LONP2: variants seen among roughly 807,000 people sequenced by gnomAD.
The protein encoded by LONP2 is lon protease homolog 2, peroxisomal.
LONP2 carries 60 observed loss-of-function variants against 85.6 expected under a neutral mutation model. That is an observed-to-expected ratio of 0.70 (90% CI 0.57 to 0.87). The LOEUF (loss-of-function observed/expected upper bound fraction) is 0.87, where lower values mean the gene tolerates loss of function less well. LONP2 is among the 40% of genes least tolerant of loss of function. The pLI is 0.00. For synonymous variants in LONP2, 395 were observed against 389.7 expected (o/e 1.01, Z -0.16); for missense variants, 860 against 1,063.5 (o/e 0.81, Z 2.66).
chr16:48,304,506 C>G (rs190882456), intron 11 of LONP2, among the ~76,000 whole-genome samples: 2 of 152,020 alleles, frequency 1.3e-5, no homozygotes, highest in African/African-American at 2.4e-5. Context: ...GAGTTTGAGA[C>G]CAGCCTAGCC....
chr16:48,304,173 C>A (rs1169718880), intron 11 of LONP2, among the ~76,000 whole-genome samples: 18 of 152,142 alleles, frequency 1.2e-4, no homozygotes, highest in Non-Finnish European at 1.5e-4. Context: ...ACAGTTAAGT[C>A]TTTAAATAAT....
At chr16:48,279,367 C>G (rs899342648) in intron 8 of LONP2, among the ~76,000 whole-genome samples, 3 of 152,074 alleles carry the variant, frequency 2.0e-5, no homozygotes, top group African/African-American at 7.2e-5. Context: ...GAGGAATCTT[C>G]TACTCAATAG....
At chr16:48,350,108 G>A (rs907934694) in intron 14 of LONP2, among the ~76,000 whole-genome samples, 1 of 152,220 alleles carries the variant, frequency 6.6e-6, no homozygotes, top group Admixed American at 6.5e-5. Context: ...TAAGGAGGCT[G>A]GGTGTGGTGG....
chr16:48,264,270 A>G (rs574446067), intron 6 of LONP2, among the ~76,000 whole-genome samples: 3 of 152,276 alleles, frequency 2.0e-5, no homozygotes, highest in Admixed American at 6.5e-5. Flanking sequence ...ACTGGAGTCT[A>G]TCTCACCTCT....
chr16:48,303,036 G>A, intron 10 of LONP2, 136 bp from the exon 11 acceptor site: 1 of 793,008 alleles, frequency 1.3e-6, no homozygotes, highest in Non-Finnish European at 2.0e-6. Flanking sequence ...AGTTTTAAGT[G>A]TGGAAAAGTT....
intron 11 of LONP2, among the ~76,000 whole-genome samples, chr16:48,309,302 C>A (rs571155928): frequency 1.2e-4 from 19 of 152,110 alleles, no homozygotes; most frequent in Middle Eastern, 6.8e-3. Context: ...GGGTATATAC[C>A]CAGAGGAAAA....
intron 9 of LONP2, among the ~76,000 whole-genome samples, chr16:48,299,138 C>T (rs1230334751): frequency 2.0e-5 from 3 of 151,782 alleles, no homozygotes; most frequent in South Asian, 4.2e-4. Context: ...GTGATCCGCC[C>T]GCCTCAGCCT....
intron 11 of LONP2, among the ~76,000 whole-genome samples, chr16:48,331,488 A>G (rs1959444541): frequency 6.6e-6 from 1 of 152,190 alleles, no homozygotes; most frequent in Non-Finnish European, 1.5e-5. Context: ...CAGAGGTACA[A>G]TTATGAGAAT....
At chr16:48,287,489 A>T in intron 8 of LONP2, among the ~76,000 whole-genome samples, 1 of 152,212 alleles carries the variant, frequency 6.6e-6, no homozygotes, top group East Asian at 1.9e-4. Context: ...TAAGGATAAA[A>T]CTGTTCTCAC....
At chr16:48,258,232 A>G (rs988360766) in intron 3 of LONP2, among the ~76,000 whole-genome samples, 2 of 151,904 alleles carry the variant, frequency 1.3e-5, no homozygotes, top group Non-Finnish European at 2.9e-5. Context: ...CTGTAGTCCC[A>G]GTTACTCTGG....
chr16:48,256,477 G>A lies in LONP2; in HGVS notation c.469-133G>A, dbSNP rs1596911041. 14 of 838,750 alleles carry A rather than the reference G, an allele frequency of 1.7e-5. No homozygotes were observed. The South Asian group carries it at 2.0e-4, about 12-fold the overall frequency. The allele number at this position is 838,750 out of a possible 1,614,324, so 52.0% of individuals were successfully genotyped here. A position where few individuals can be genotyped will look rare whatever the true frequency, so the allele number is the denominator to read the frequency against. ...TTCCTCTGAGGCCTGTAAAATACGTGGACTATATTAATCAGTGATCTTTCA... is the reference window on the plus strand; with the variant it reads ...TTCCTCTGAGGCCTGTAAAATACGTAGACTATATTAATCAGTGATCTTTCA... On this transcript the variant is annotated intron_variant, in intron 2 of 14. Coordinates refer to ENST00000285737, the MANE Select transcript of LONP2 (RefSeq NM_031490.5).
At chr16:48,286,694 G>A (rs1426950049) in intron 8 of LONP2, among the ~76,000 whole-genome samples, 1 of 151,092 alleles carries the variant, frequency 6.6e-6, no homozygotes, top group African/African-American at 2.4e-5. Flanking sequence ...ACAGGGTTTC[G>A]CCATGTTGCC....
At position 48,301,946 on chromosome 16, in the gene LONP2, G is replaced by T. The variant is rs529322216; in HGVS notation, c.1662-1226G>T. On this transcript the variant is annotated intron_variant, in intron 10 of 14. Transcript: ENST00000285737. ...TCACCCTCCTGATTAGTCTTCTTCTGAAAGAATCCTGTATATCAATGTGTC... is the reference window on the plus strand; with the variant it reads ...TCACCCTCCTGATTAGTCTTCTTCTTAAAGAATCCTGTATATCAATGTGTC... Among the ~76,000 whole-genome samples, 176 of 152,216 alleles carry T rather than the reference G, an allele frequency of 1.2e-3. 1 individual carries two copies. Among genetic ancestry groups the T allele is most frequent in the Middle Eastern group, 3.4e-3 (1 of 294 alleles).
At chr16:48,302,327 T>C (rs1238566370) in intron 10 of LONP2, among the ~76,000 whole-genome samples, 1 of 152,222 alleles carries the variant, frequency 6.6e-6, no homozygotes, top group Non-Finnish European at 1.5e-5. Flanking sequence ...AAGAGCTTTT[T>C]ATCTGTCTTT....
intron 7 of LONP2, among the ~76,000 whole-genome samples, chr16:48,272,439 C>T (rs1330820840): frequency 1.3e-5 from 2 of 152,068 alleles, no homozygotes; most frequent in East Asian, 3.8e-4. Context: ...TAAATCCTTA[C>T]TGACATATAA....
intron 2 of LONP2, 52 bp downstream of exon 2, chr16:48,252,417 T>C (rs1466916752): frequency 1.7e-6 from 2 of 1,196,678 alleles, no homozygotes; most frequent in East Asian, 4.9e-5. Flanking sequence ...GTTCTTTTGC[T>C]TTCCTAAGAT....
intron 10 of LONP2, among the ~76,000 whole-genome samples, chr16:48,300,808 C>T (rs1279756310): frequency 6.6e-6 from 1 of 152,098 alleles, no homozygotes; most frequent in African/African-American, 2.4e-5. Flanking sequence ...ATCATTATTC[C>T]AGATAACACC....
At chr16:48,310,165 C>T (rs1334212038) in intron 11 of LONP2, among the ~76,000 whole-genome samples, 1 of 152,028 alleles carries the variant, frequency 6.6e-6, no homozygotes, top group Non-Finnish European at 1.5e-5. Context: ...TTTTTCCACC[C>T]CTTTACCTTC....
chr16:48,344,938 T>C (rs1959917209), intron 12 of LONP2: 1 of 148,478 alleles, frequency 6.7e-6, no homozygotes, highest in Non-Finnish European at 1.5e-5. Context: ...AAAACAACAA[T>C]CTGGCTGGGC....
Sources: allele counts gnomAD v4.1 joint callset (sites outside exome capture counted in the v4.1 genomes callset), GRCh38; gene constraint gnomAD v4.1.1; transcripts MANE v1.5; gene names NCBI Gene and HGNC (gene_info 2026-07-23, HGNC 2026-07-21).